The following WWOX variants were observed in gnomAD, a reference collection of about 807,000 sequenced individuals.
WWOX encodes WW domain-containing oxidoreductase.
WWOX carries 69 observed loss-of-function variants against 46.2 expected under a neutral mutation model. That is an observed-to-expected ratio of 1.49 (90% CI 1.23 to 1.82). WWOX has a LOEUF of 1.82. Ranked by LOEUF, WWOX falls within the 40% of genes most tolerant of loss-of-function variation. The pLI is 0.00. For synonymous variants in WWOX, 359 were observed against 202.6 expected, an observed-to-expected ratio of 1.77 and a Z score of -6.56; for missense variants, 919 against 542.6, an observed-to-expected ratio of 1.69 and a Z score of -6.89.
chr16:78,744,694 A>T (rs1311195899), intron 8 of WWOX, among the ~76,000 whole-genome samples: 3 of 151,964 alleles, frequency 2.0e-5, no homozygotes, highest in African/African-American at 7.3e-5. Flanking sequence ...GGCCTCCCAA[A>T]GTGCTGGGAT....
chr16:78,374,527 A>ATTTTTTTTTTTTTTT (rs541225697), intron 5 of WWOX, among the ~76,000 whole-genome samples: 4 of 70,902 alleles, frequency 5.6e-5, no homozygotes, highest in Non-Finnish European at 1.0e-4. Flanking sequence ...TCTGTCTTGA[A>ATTTTTTTTTTTTTTT]TTTTTTTTTT....
chr16:79,067,060 A>G (rs1051905942), intron 8 of WWOX, among the ~76,000 whole-genome samples: 2 of 152,154 alleles, frequency 1.3e-5, no homozygotes, highest in Non-Finnish European at 2.9e-5. Context: ...CGCGAAATGA[A>G]TAAGAAGGTG....
At chr16:78,310,176 A>T (rs139127916) in intron 5 of WWOX, among the ~76,000 whole-genome samples, 6 of 152,168 alleles carry the variant, frequency 3.9e-5, no homozygotes, top group African/African-American at 1.2e-4. Flanking sequence ...GTAATACAGA[A>T]TTTTCCGTAA....
chr16:79,127,642 T>A lies in WWOX; in HGVS notation c.1057-83966T>A, dbSNP rs546553513. ...GGATTGAGTCTTAGAAATAGCAGCA[T>A]CGGCTGAGAGAGTATGCACTCCGGT... On this transcript the variant is annotated intron_variant, in intron 8 of 8. Transcript: ENST00000566780. Among the ~76,000 whole-genome samples, 14 of 152,266 alleles carry A rather than the reference T, an allele frequency of 9.2e-5. No homozygotes were observed. In the South Asian group the frequency reaches 2.7e-3, roughly 29 times the overall value.
intron 8 of WWOX, among the ~76,000 whole-genome samples, chr16:78,680,416 C>T (rs1224731574): frequency 6.6e-6 from 1 of 152,094 alleles, no homozygotes; most frequent in East Asian, 1.9e-4. Context: ...TGCCTGTAGT[C>T]CTAGCTACTC....
chr16:78,688,556 A>C (rs988892476), intron 8 of WWOX, among the ~76,000 whole-genome samples: 2 of 152,040 alleles, frequency 1.3e-5, no homozygotes, highest in African/African-American at 2.4e-5. Flanking sequence ...AGCGGAGACA[A>C]CTGTCCCCCT....
At chr16:78,625,607 T>C (rs551797686) in intron 8 of WWOX, among the ~76,000 whole-genome samples, 15 of 152,100 alleles carry the variant, frequency 9.9e-5, no homozygotes, top group African/African-American at 2.9e-4. Context: ...GATTAAATTA[T>C]TGATACTGAA....
chr16:78,470,827 C>T lies in WWOX; in HGVS notation c.1056+38075C>T, dbSNP rs1243813995. On this transcript the variant is annotated intron_variant, in intron 8 of 8. Coordinates refer to ENST00000566780, the MANE Select transcript of WWOX (RefSeq NM_016373.4). ...TACAGTCATGAGTCACCATGCCCGA[C>T]CAGCAAGACCCCACTGCTATTGTCC... Among the ~76,000 whole-genome samples the T allele has an allele frequency of 4.6e-5, 7 of 151,978 alleles. No individual in the cohort carries two copies. The East Asian group carries it at 1.4e-3, about 29-fold the overall frequency.
intron 8 of WWOX, among the ~76,000 whole-genome samples, chr16:78,566,370 G>A (rs868349809): frequency 5.3e-5 from 8 of 152,262 alleles, no homozygotes; most frequent in Middle Eastern, 6.8e-3. Context: ...AAAATAGCAA[G>A]TATAGTAGTG....
At chr16:79,202,064 T>A (rs450553) in intron 8 of WWOX, among the ~76,000 whole-genome samples, 59,040 of 152,106 alleles carry the variant, frequency 0.39, 13,940 homozygotes, top group Non-Finnish European at 0.54. Context: ...CCTTTTTTTT[T>A]ATAAATAAAG....
intron 5 of WWOX, among the ~76,000 whole-genome samples, chr16:78,228,009 C>G (rs1017475539): frequency 6.6e-6 from 1 of 152,160 alleles, no homozygotes; most frequent in African/African-American, 2.4e-5. Context: ...CCAACATGGT[C>G]TATGGACCCT....
chr16:79,129,190 C>G (rs908535460), intron 8 of WWOX, among the ~76,000 whole-genome samples: 2 of 151,722 alleles, frequency 1.3e-5, no homozygotes, highest in African/African-American at 4.8e-5. Flanking sequence ...AGTATCAAGA[C>G]AAGTCTAAGA....
chr16:78,817,554 G>C (rs192544344), intron 8 of WWOX, among the ~76,000 whole-genome samples: 85 of 152,248 alleles, frequency 5.6e-4, no homozygotes, highest in South Asian at 1.7e-3. Flanking sequence ...CAAAATTCAC[G>C]AACCCATGCC....
rs188182941 is a variant in WWOX at position 79,002,154 on chromosome 16, T to A, written c.1057-209454T>A. Among the ~76,000 whole-genome samples the A allele has an allele frequency of 3.3e-5, 5 of 151,426 alleles. No individual in the cohort carries two copies. In the East Asian group the frequency reaches 7.8e-4, roughly 24 times the overall value. On this transcript the variant is annotated intron_variant, in intron 8 of 8. Transcript: ENST00000566780. ...GAGTTTTAATGCAAGTGTATCGACG[T>A]GCTGTACTCCTAACACATTATTTGT...
chr16:78,949,381 C>T (rs958636558), intron 8 of WWOX, among the ~76,000 whole-genome samples: 2 of 152,206 alleles, frequency 1.3e-5, no homozygotes, highest in Non-Finnish European at 2.9e-5. Context: ...GGGCCTTCCA[C>T]AGGGTGGGGC....
intron 8 of WWOX, among the ~76,000 whole-genome samples, chr16:78,762,223 C>T (rs894797423): frequency 3.3e-5 from 5 of 152,186 alleles, no homozygotes; most frequent in Admixed American, 6.5e-5. Context: ...CAAGAGCATA[C>T]AGCAGCTGTG....
chr16:78,337,999 T>C lies in WWOX; in HGVS notation c.517-48861T>C, dbSNP rs1425003898. ...TTATCAGGTCACTTGGCAACCAAGC[T>C]GATGAGGATAGCAGTTTCTTTTGTT... On this transcript the variant is annotated intron_variant, in intron 5 of 8. Coordinates refer to ENST00000566780, the MANE Select transcript of WWOX (RefSeq NM_016373.4). Among the ~76,000 whole-genome samples the C allele has an allele frequency of 1.7e-5, 2 of 120,004 alleles. 1 individual carries two copies. The highest frequency in any genetic ancestry group is 5.7e-5 in the African/African-American group (2 of 35,344). 78.7% of individuals were successfully genotyped at this position (120,004 alleles called of 152,430 possible).
intron 8 of WWOX, among the ~76,000 whole-genome samples, chr16:79,021,157 G>T (rs1442219322): frequency 6.6e-6 from 1 of 152,138 alleles, no homozygotes; most frequent in African/African-American, 2.4e-5. Context: ...ATGAATTCGT[G>T]AATATGTTTA....
At chr16:78,297,311 T>A (rs2079959137) in intron 5 of WWOX, among the ~76,000 whole-genome samples, 1 of 152,190 alleles carries the variant, frequency 6.6e-6, no homozygotes, top group Non-Finnish European at 1.5e-5. Context: ...CCCTGAACCC[T>A]GTTCCATGGC....
Sources: allele counts gnomAD v4.1 joint callset (sites outside exome capture counted in the v4.1 genomes callset), GRCh38; gene constraint gnomAD v4.1.1; transcripts MANE v1.5; gene names NCBI Gene and HGNC (gene_info 2026-07-23, HGNC 2026-07-21).